The following PDE4A variants were observed in gnomAD, a reference collection of about 807,000 sequenced individuals.
PDE4A encodes the protein phosphodiesterase 4A, also known as 3',5'-cyclic-AMP phosphodiesterase 4A.
In PDE4A, 21 loss-of-function variants were observed where a neutral mutation model predicts 73.9. That is an observed-to-expected ratio of 0.28 (90% CI 0.20 to 0.41). The LOEUF is 0.41. Ranked by LOEUF, PDE4A falls within the 10% of genes least tolerant of loss-of-function variation. The pLI is 1.00. For synonymous variants in PDE4A, 463 were observed against 505.4 expected (o/e 0.92, Z 1.13); for missense variants, 958 against 1,211.4 (o/e 0.79, Z 3.10).
chr19:10,418,193 C>G (rs2042606666), upstream of PDE4A, among the ~76,000 whole-genome samples: 1 of 152,174 alleles, frequency 6.6e-6, no homozygotes, highest in Non-Finnish European at 1.5e-5. Flanking sequence ...TTCATGTCCC[C>G]GCCTGGGAGG....
chr19:10,426,405 CTT>C (rs112146326), intron 1 of PDE4A, among the ~76,000 whole-genome samples: 1 of 149,724 alleles, frequency 6.7e-6, no homozygotes, highest in Non-Finnish European at 1.5e-5. Flanking sequence ...CAATGAGATT[CTT>C]TTTTTTTTCC....
intron 10 of PDE4A, among the ~76,000 whole-genome samples, chr19:10,460,478 A>C (rs146061842): frequency 0.017 from 2,501 of 151,516 alleles, 79 homozygotes; most frequent in African/African-American, 0.058. Flanking sequence ...CAGCCTGGGC[A>C]ACAAAGTGAG....
At chr19:10,432,551 C>G (rs2042809449) in intron 1 of PDE4A, 1 of 1,524,138 alleles carries the variant, frequency 6.6e-7, no homozygotes, top group African/African-American at 1.4e-5. Flanking sequence ...CCCGTCGGCA[C>G]CCTCCGGGCA....
intron 1 of PDE4A, among the ~76,000 whole-genome samples, chr19:10,432,187 G>T (rs370892954): frequency 5.6e-5 from 8 of 141,822 alleles, no homozygotes; most frequent in Admixed American, 1.4e-4. Flanking sequence ...GGGGGGGGGG[G>T]GGGGAAGTGT....
At chr19:10,438,353 C>G (rs1023840153) in intron 1 of PDE4A, among the ~76,000 whole-genome samples, 1 of 151,906 alleles carries the variant, frequency 6.6e-6, no homozygotes, top group Non-Finnish European at 1.5e-5. Flanking sequence ...CCTTGTGATC[C>G]GCCCGCCTCC....
chr19:10,461,645 C>T lies in PDE4A; in HGVS notation c.1585C>T (p.Gln529Ter). ...CATCTTCCAGAACCTCAGCAAGCGC[C>T]AGCGGCAGAGCCTACGCAAGATGGT... ...CDIFQNLSKR[Q>*]RQSLRKMVID... is the part of the protein sequence containing the mutation. The change falls in exon 12 of 15, where the codon CAG becomes TAG. Residue 529 changes from glutamine to a stop codon, truncating the protein, a stop_gained. Coordinates refer to ENST00000380702, the MANE Select transcript of PDE4A (RefSeq NM_001111307.2). LOFTEE classifies it high-confidence loss of function. 6.2e-7 allele frequency: 1 copy of T among 1,610,914 alleles called. No individual in the cohort carries two copies.
chr19:10,467,342 T>C lies in PDE4A; in HGVS notation c.2382T>C (p.Asp794=). 6.2e-7 allele frequency: 1 copy of C among 1,614,176 alleles called. No individual in the cohort carries two copies. The highest frequency in any genetic ancestry group is 8.5e-7 in the Non-Finnish European group (1 of 1,180,016). The part of the protein sequence containing the change: ...QSTGSAPVAP[D]EFSSREEFVV... The stretch of plus-strand genomic sequence containing the variant: ...CAGGCAGTGCACCTGTGGCTCCGGA[T>C]GAGTTCTCGTCCCGGGAGGAATTCG... The change falls in exon 15 of 15, where the codon GAT becomes GAC. Residue 794 remains aspartate (D), a synonymous_variant. Coordinates refer to ENST00000380702, the MANE Select transcript of PDE4A (RefSeq NM_001111307.2).
Position 10,421,059 on chromosome 19 carries a change from G to A in PDE4A, c.295G>A (p.Gly99Ser). The change falls in exon 1 of 15, where the codon GGC (glycine) becomes AGC (serine). Residue 99 changes from glycine to serine, a missense_variant. Gly to Ser is a moderately conservative substitution (Grantham distance 56). This residue lies in a region of PDE4A where 570 missense variants were observed against 827.7 expected (regional missense o/e 0.69). Coordinates refer to ENST00000380702, the MANE Select transcript of PDE4A (RefSeq NM_001111307.2). ...CCATGGCACTGGCACCGGCAGCGGCGGCGCGGGCGGAGGCAGCAGCAGGCG... is the reference window on the plus strand; with the variant it reads ...CCATGGCACTGGCACCGGCAGCGGCAGCGCGGGCGGAGGCAGCAGCAGGCG... ...SFHGTGTGSGGAGGGSSRRFE... is the reference protein window; with the variant it reads ...SFHGTGTGSGSAGGGSSRRFE... 7.2e-7 allele frequency: 1 copy of A among 1,384,212 alleles called. No homozygotes were observed. Among genetic ancestry groups the A allele is most frequent in the Non-Finnish European group, 9.3e-7 (1 of 1,078,552 alleles). The allele number at this position is 1,384,212 out of a possible 1,614,324, so 85.7% of individuals were successfully genotyped here.
At chr19:10,432,065 C>A (rs1236314034) in intron 1 of PDE4A, among the ~76,000 whole-genome samples, 2 of 150,938 alleles carry the variant, frequency 1.3e-5, no homozygotes, top group East Asian at 3.9e-4. Flanking sequence ...CCCAGCTCGA[C>A]GTCAGGGCGG....
chr19:10,432,176 C>CGGGGGGGGGGGGGG (rs568009200), intron 1 of PDE4A, among the ~76,000 whole-genome samples: 1 of 17,372 alleles, frequency 5.8e-5, no homozygotes, highest in Non-Finnish European at 4.4e-4. Context: ...AGGGAGGAGA[C>CGGGGGGGGGGGGGG]GGGGGGGGGG....
At chr19:10,441,511 C>A (rs1481473455) in intron 1 of PDE4A, among the ~76,000 whole-genome samples, 1 of 152,028 alleles carries the variant, frequency 6.6e-6, no homozygotes, top group African/African-American at 2.4e-5. Context: ...TCCACCTCAG[C>A]CTCTGTTGAT....
chr19:10,450,681 G>C (rs372121611), intron 5 of PDE4A, 29 bp downstream of exon 5: 2 of 1,596,390 alleles, frequency 1.3e-6, no homozygotes, highest in Non-Finnish European at 1.7e-6. Flanking sequence ...GTGGGAAGGG[G>C]CCCCCCTTGC....
In PDE4A at chr19:10,421,037, T is replaced by A; in HGVS notation, c.273T>A (p.His91Gln). Residue 91 changes from histidine to glutamine, a missense_variant, in exon 1 of 15, where the codon CAT becomes CAA. Physicochemically the swap from His to Gln is conservative, Grantham distance 24 (BLOSUM62 0). Around this residue, in one of 3 missense-constraint regions of PDE4A, gnomAD observed 145 missense variants for 137.8 expected, o/e 1.05. Transcript: ENST00000380702. ...TTRMSWPSSF[H>Q]GTGTGSGGAG... ...GCATGTCCTGGCCCTCGTCCTTCCA[T>A]GGCACTGGCACCGGCAGCGGCGGCG... is the stretch of plus-strand genomic sequence containing the variant. 2 of 1,409,450 alleles carry A rather than the reference T, an allele frequency of 1.4e-6. No individual in the cohort carries two copies. 87.3% of individuals were successfully genotyped at this position (1,409,450 alleles called of 1,614,324 possible). A position where few individuals can be genotyped will look rare whatever the true frequency, so the allele number is the denominator to read the frequency against.
chr19:10,461,251 G>C, intron 11 of PDE4A, 148 bp downstream of exon 11: 1 of 1,090,596 alleles, frequency 9.2e-7, no homozygotes, highest in Non-Finnish European at 1.3e-6. Flanking sequence ...GGCAGGAGGC[G>C]GGGCTGGGGG....
rs146986676 is a variant in PDE4A at position 10,461,648 on chromosome 19, C to T, written c.1588C>T (p.Arg530Trp). The stretch of plus-strand genomic sequence containing the variant: ...CTTCCAGAACCTCAGCAAGCGCCAG[C>T]GGCAGAGCCTACGCAAGATGGTCAT... ...DIFQNLSKRQ[R>W]QSLRKMVIDM... Residue 530 changes from arginine to tryptophan, a missense_variant, in exon 12 of 15, where the codon CGG (arginine) becomes TGG (tryptophan). Arg to Trp is a moderately radical substitution (Grantham distance 101, BLOSUM62 -3). This residue lies in a region of PDE4A where 570 missense variants were observed against 827.7 expected (regional missense o/e 0.69). Transcript: ENST00000380702. 3.4e-4 allele frequency: 465 copies of T among 1,377,432 alleles called. 2 individuals carry two copies. The African/African-American group carries it at 6.7e-3, about 20-fold the overall frequency. 85.3% of individuals were successfully genotyped at this position (1,377,432 alleles called of 1,614,324 possible).
At chr19:10,464,376 G>A (rs1458062886) in intron 14 of PDE4A, 2 of 455,422 alleles carry the variant, frequency 4.4e-6, no homozygotes, top group Non-Finnish European at 8.8e-6. Context: ...GATTACAAGT[G>A]TGAGCCACTG....
Position 10,460,988 on chromosome 19 carries a change from G to A in PDE4A, c.1366-16G>A, listed in dbSNP as rs1288218554. 2 of 1,606,816 alleles carry A rather than the reference G, an allele frequency of 1.2e-6. No homozygotes were observed. The highest frequency in any genetic ancestry group is 1.7e-6 in the Non-Finnish European group (2 of 1,174,632). On this transcript the variant is annotated splice_polypyrimidine_tract_variant and intron_variant, in intron 10 of 14. Coordinates refer to ENST00000380702, the MANE Select transcript of PDE4A (RefSeq NM_001111307.2). ...CTTCAACTCTGTTATTCTAACATCCGTGTCTCTGCTCCCAGGCAGTGTTCA... is the reference window on the plus strand; with the variant it reads ...CTTCAACTCTGTTATTCTAACATCCATGTCTCTGCTCCCAGGCAGTGTTCA...
At chr19:10,449,901 C>T (rs1279978486) in intron 4 of PDE4A, among the ~76,000 whole-genome samples, 1 of 151,508 alleles carries the variant, frequency 6.6e-6, no homozygotes, top group Non-Finnish European at 1.5e-5. Flanking sequence ...CAGGACCAGC[C>T]CAGGGGAAAC....
rs576750501 is a variant in PDE4A, at chr19:10,421,414, T to C, written c.320+330T>C. ...GAACAGCTGCTAAGCTGGGAACCAC[T>C]TGGAGGGACCTTCCTGGGGGCACTA... On this transcript the variant is annotated intron_variant, in intron 1 of 14. Coordinates refer to ENST00000380702, the MANE Select transcript of PDE4A (RefSeq NM_001111307.2). The C allele has an allele frequency of 1.1e-5, 10 of 875,748 alleles. No individual in the cohort carries two copies. The East Asian group carries it at 1.1e-3, about 95-fold the overall frequency. The allele number at this position is 875,748 out of a possible 1,614,324, so 54.2% of individuals were successfully genotyped here.
Sources: gnomAD v4.1 joint callset for allele counts (sites outside exome capture counted in the v4.1 genomes callset) on GRCh38, gnomAD v4.1.1 for gene constraint, gnomAD v4.1.1 regional missense constraint, MANE v1.5 for transcripts, NCBI Gene and HGNC (gene_info 2026-07-23, HGNC 2026-07-21) for gene names.